The following PKD1L1 variants were observed in gnomAD, a reference collection of about 807,000 sequenced individuals.
PKD1L1 encodes the protein polycystin 1 like 1, transient receptor potential channel interacting.
A neutral mutation model predicts 323.4 loss-of-function variants in PKD1L1; 236 were observed. The ratio of observed to expected loss-of-function variants is 0.73; its 90% CI spans 0.66 to 0.81. PKD1L1 has a LOEUF of 0.81. Among genes scored for constraint, PKD1L1 ranks in the 40% least tolerant of loss-of-function variants. The pLI is 0.00. For missense variants in PKD1L1, 3,320 were observed against 3,508.0 expected, an observed-to-expected ratio of 0.95 and a Z score of 1.35; for synonymous variants, 1,344 against 1,335.0, an observed-to-expected ratio of 1.01 and a Z score of -0.15.
chr7:47,905,121 A>C (rs1343812760), intron 11 of PKD1L1, 36 bp downstream of exon 11: 1 of 1,598,886 alleles, frequency 6.3e-7, no homozygotes, highest in Non-Finnish European at 8.5e-7. Context: ...GCTGCAGTAC[A>C]AACAGCTACT....
At chr7:47,788,244 TGAA>T (rs1562929847) in intron 56 of PKD1L1, among the ~76,000 whole-genome samples, 1 of 151,576 alleles carries the variant, frequency 6.6e-6, no homozygotes, top group Non-Finnish European at 1.5e-5. Context: ...CCCTGTTTGG[TGAA>T]GGTTATTAAT....
chr7:47,827,529 G>A, intron 44 of PKD1L1, 61 bp from the exon 45 acceptor site: 1 of 1,418,822 alleles, frequency 7.0e-7, no homozygotes, highest in Non-Finnish European at 9.6e-7. Context: ...GAGGCCCCTG[G>A]TGCTCCTGCC....
At chr7:47,957,873 A>ATATATATC in the PKD1L1 span, among the ~76,000 whole-genome samples, 1 of 148,254 alleles carries the variant, frequency 6.7e-6, no homozygotes. Context: ...ATATATATAT[A>ATATATATC]TATATCTAGA....
At chr7:47,878,603 T>A (rs1225702367) in intron 21 of PKD1L1, among the ~76,000 whole-genome samples, 1 of 152,192 alleles carries the variant, frequency 6.6e-6, no homozygotes, top group Non-Finnish European at 1.5e-5. Flanking sequence ...GAGAAAAGGA[T>A]GATGAATCCT....
intron 4 of PKD1L1, among the ~76,000 whole-genome samples, chr7:47,934,191 A>G (rs1451639384): frequency 2.0e-5 from 3 of 152,256 alleles, no homozygotes; most frequent in African/African-American, 7.2e-5. Flanking sequence ...CTGCAAAGTA[A>G]TGGGAAATAC....
chr7:47,873,322 G>A (rs1389630924), intron 24 of PKD1L1, among the ~76,000 whole-genome samples: 1 of 152,190 alleles, frequency 6.6e-6, no homozygotes, highest in Non-Finnish European at 1.5e-5. Flanking sequence ...CATGTGGAAT[G>A]TAAATGATAT....
At chr7:47,895,690 A>G (rs1786920779) in intron 14 of PKD1L1, among the ~76,000 whole-genome samples, 1 of 152,200 alleles carries the variant, frequency 6.6e-6, no homozygotes, top group African/African-American at 2.4e-5. Flanking sequence ...TTTTATGTTA[A>G]AAGGTAAAGT....
In PKD1L1 at chr7:47,781,393, TTTTTTGTTTTGTTTTG is replaced by T. The variant is rs1297384683; in HGVS notation, c.8527-6243_8527-6228del. 3.1e-3 allele frequency among the ~76,000 whole-genome samples: 255 copies of T among 82,266 alleles called. 3 individuals are homozygous for T. Among genetic ancestry groups the T allele is most frequent in the African/African-American group, 8.0e-3 (184 of 23,094 alleles). 54.0% of individuals were successfully genotyped at this position (82,266 alleles called of 152,430 possible). Reference sequence around the variant, plus strand: ...GTCATTTGCAGAACAAAAGGTTTTTTTTTTTGTTTTGTTTTGTTTTTTTTTTTTTTTTTGAGACAGA... The same window carrying T: ...GTCATTTGCAGAACAAAAGGTTTTTTTTTTTTTTTTTTTTTTTGAGACAGA... On this transcript the variant is annotated intron_variant, in intron 56 of 56. Transcript: ENST00000289672.
rs1363840313 is a variant in PKD1L1, at chr7:47,792,694, T to C, written c.8459A>G (p.Asn2820Ser). Reference protein sequence around the residue: ...LQLPLLEKTSNNTGEARTEES... With the variant: ...LQLPLLEKTSSNTGEARTEES... ...TTCTGTCCTTGCCTCCCCTGTGTTG[T>C]TGGATGTTTTTTCCAGAAGGGGGAG... The change falls in exon 56 of 57, where the codon AAC becomes AGC. Residue 2820 changes from asparagine (N) to serine (S), a missense_variant. Coordinates refer to ENST00000289672, the MANE Select transcript of PKD1L1 (RefSeq NM_138295.5). The C allele has an allele frequency of 6.8e-6, 11 of 1,614,020 alleles. No homozygotes were observed. Among genetic ancestry groups the C allele is most frequent in the Non-Finnish European group, 9.3e-6 (11 of 1,180,006 alleles).
intron 46 of PKD1L1, chr7:47,817,899 TA>T (rs1785055183): frequency 4.4e-6 from 3 of 683,620 alleles, no homozygotes; most frequent in African/African-American, 3.8e-5. Context: ...CATGTATGAG[TA>T]AAAGTCTAGT....
intron 7 of PKD1L1, among the ~76,000 whole-genome samples, chr7:47,923,379 CA>C (rs1449108937): frequency 2.7e-5 from 4 of 148,928 alleles, no homozygotes; most frequent in Non-Finnish European, 4.4e-5. Flanking sequence ...TTTGGGGACT[CA>C]GGGGGAAAGG....
At chr7:47,894,668 C>A (rs534774726) in intron 14 of PKD1L1, among the ~76,000 whole-genome samples, 1 of 151,754 alleles carries the variant, frequency 6.6e-6, no homozygotes, top group Non-Finnish European at 1.5e-5. Context: ...CTGGGCAACA[C>A]GGTGAAACCT....
rs574443625 is a variant in PKD1L1 at position 47,913,455 on chromosome 7, C to T, written c.1228+1977G>A. ...TTGAAGGTTGGGCCTTCAGCACTGG[C>T]GGTGAGGAGGTGGGTGGTGATTGGA... On this transcript the variant is annotated intron_variant, in intron 8 of 56. Transcript: ENST00000289672. 4.6e-5 allele frequency among the ~76,000 whole-genome samples: 7 copies of T among 152,196 alleles called. No homozygotes were observed. The South Asian group carries it at 8.3e-4, about 18-fold the overall frequency.
intron 4 of PKD1L1, among the ~76,000 whole-genome samples, chr7:47,933,856 T>A (rs1787818160): frequency 6.6e-6 from 1 of 152,194 alleles, no homozygotes; most frequent in South Asian, 2.1e-4. Context: ...CAGCTCCAAA[T>A]GGCCGTCTTA....
In PKD1L1 at chr7:47,840,645, C is replaced by A; in HGVS notation, c.5446-78G>T. 1 of 1,114,404 alleles carries A rather than the reference C, an allele frequency of 9.0e-7. No homozygotes were observed. Among genetic ancestry groups the A allele is most frequent in the South Asian group, 1.3e-5 (1 of 77,516 alleles). 69.0% of individuals were successfully genotyped at this position (1,114,404 alleles called of 1,614,324 possible). On this transcript the variant is annotated intron_variant, in intron 34 of 56. Coordinates refer to ENST00000289672, the MANE Select transcript of PKD1L1 (RefSeq NM_138295.5). This position sits in a 1 kb window ranked among gnomAD's most constrained non-coding sequence, Gnocchi z 4.1. ...TGCAATGCTGGGCAGGGCTTCCTCG[C>A]ACTTTCTCCCAGCGTCCCACCCTTC...
Position 47,901,804 on chromosome 7 carries a change from C to T in PKD1L1, c.2064+575G>A, listed in dbSNP as rs182919817. On this transcript the variant is annotated intron_variant, in intron 13 of 56. Coordinates refer to ENST00000289672, the MANE Select transcript of PKD1L1 (RefSeq NM_138295.5). ...CAGCTTAGTCACGGATTTTAATTCC[C>T]ATGTGTCATTTGAGCACCTCTGCCC... 1.2e-4 allele frequency among the ~76,000 whole-genome samples: 19 copies of T among 152,274 alleles called. No individual in the cohort carries two copies. In the East Asian group the frequency reaches 3.5e-3, roughly 28 times the overall value.
rs559883198 is a variant in PKD1L1, at chr7:47,947,705, T to C, written c.44+692A>G. On this transcript the variant is annotated intron_variant, in intron 1 of 56. Transcript: ENST00000289672. The stretch of plus-strand genomic sequence containing the variant: ...CATGGAGGCTGGGTGCGGTGGCTTA[T>C]GCCTGTAATCCCAGTACTTTGGGAG... 2.0e-4 allele frequency among the ~76,000 whole-genome samples: 31 copies of C among 152,338 alleles called. No individual in the cohort carries two copies. The South Asian group carries it at 2.5e-3, about 12-fold the overall frequency.
chr7:47,870,988 A>G (rs1786271188), intron 24 of PKD1L1, among the ~76,000 whole-genome samples: 1 of 151,662 alleles, frequency 6.6e-6, no homozygotes, highest in Non-Finnish European at 1.5e-5. Flanking sequence ...AAAAAAGAAA[A>G]AAAAAAAAAA....
intron 26 of PKD1L1, among the ~76,000 whole-genome samples, chr7:47,863,369 G>C (rs377598827): frequency 6.6e-6 from 1 of 152,052 alleles, no homozygotes; most frequent in African/African-American, 2.4e-5. Context: ...TTGGAGGTGT[G>C]GGTTGCAGAG....
Sources: gnomAD v4.1 joint callset for allele counts (sites outside exome capture counted in the v4.1 genomes callset) on GRCh38, gnomAD v4.1.1 for gene constraint, Gnocchi (gnomAD v3.1) non-coding constraint, MANE v1.5 for transcripts, NCBI Gene and HGNC (gene_info 2026-07-23, HGNC 2026-07-21) for gene names.